The following CCDC33 variants were observed in gnomAD, a reference collection of about 807,000 sequenced individuals.
The protein encoded by CCDC33 is coiled-coil domain-containing protein 33.
CCDC33 carries 94 observed loss-of-function variants against 91.9 expected under a neutral mutation model. The observed-to-expected ratio is 1.02, with a 90% CI of 0.87 to 1.21. The LOEUF is 1.21. Ranked by LOEUF, CCDC33 falls within the 50% of genes most tolerant of loss-of-function variation. The pLI, the probability that CCDC33 is intolerant of heterozygous loss-of-function variation, is 0.00. For missense variants in CCDC33, 940 were observed against 935.5 expected, an observed-to-expected ratio of 1.00 and a Z score of -0.06; for synonymous variants, 396 against 374.5, an observed-to-expected ratio of 1.06 and a Z score of -0.66.
intron 2 of CCDC33, among the ~76,000 whole-genome samples, chr15:74,225,639 G>A (rs565003338): frequency 4.3e-4 from 65 of 152,070 alleles, no homozygotes; most frequent in African/African-American, 1.4e-3. Context: ...GATCTCCTGC[G>A]TCTCCCTGGT....
Position 74,330,351 on chromosome 15 carries a change from A to G in CCDC33, c.1453A>G (p.Thr485Ala), listed in dbSNP as rs2060404004. 3 of 1,591,274 alleles carry G rather than the reference A, an allele frequency of 1.9e-6. No individual in the cohort carries two copies. The East Asian group carries it at 6.8e-5, about 36-fold the overall frequency. ...GQGKASEAQN[T>A]VSMKQKLLLS... Reference sequence around the variant, plus strand: ...GGGCAAAGCCAGTGAGGCCCAGAACACGGGTGAGGATGTGCAGGCCACCAA... The same window carrying G: ...GGGCAAAGCCAGTGAGGCCCAGAACGCGGGTGAGGATGTGCAGGCCACCAA... Residue 485 changes from threonine (T) to alanine (A), a missense_variant, in exon 12 of 19, where the codon ACG (threonine) becomes GCG (alanine). Coordinates refer to ENST00000398814, the MANE Select transcript of CCDC33 (RefSeq NM_025055.5).
chr15:74,278,885 C>T lies in CCDC33; in HGVS notation c.760-1078C>T, dbSNP rs577702873. Among the ~76,000 whole-genome samples the T allele has an allele frequency of 7.0e-4, 107 of 152,292 alleles. 1 individual carries two copies. The highest frequency in any genetic ancestry group is 2.5e-3 in the African/African-American group (105 of 41,554). On this transcript the variant is annotated intron_variant, in intron 7 of 18. Transcript: ENST00000398814. ...GCTGACCTAGGGTGCCATCAAGTCC[C>T]CCGAGTGCCCACTGGCCCACACTGC... is the stretch of plus-strand genomic sequence containing the variant.
chr15:74,253,526 C>A (rs746080111), intron 2 of CCDC33, among the ~76,000 whole-genome samples: 7 of 152,178 alleles, frequency 4.6e-5, no homozygotes, highest in Non-Finnish European at 7.3e-5. Flanking sequence ...CGTTGATCTC[C>A]TCGTTCCCCC....
In CCDC33 at chr15:74,326,333, A is replaced by G. The variant is rs1280857629; in HGVS notation, c.1291-3856A>G. ...GAGTAAGTCTCCATCTTGGAAAACA[A>G]GAAAGCACTCAGAAGGTGGTGGAGG... On this transcript the variant is annotated intron_variant, in intron 11 of 18. Coordinates refer to ENST00000398814, the MANE Select transcript of CCDC33 (RefSeq NM_025055.5). 2.6e-5 allele frequency among the ~76,000 whole-genome samples: 4 copies of G among 152,236 alleles called. No individual in the cohort carries two copies. In the East Asian group the frequency reaches 5.8e-4, roughly 22 times the overall value.
upstream of CCDC33, among the ~76,000 whole-genome samples, chr15:74,235,383 G>A (rs8032445): frequency 0.059 from 8,965 of 152,214 alleles, 875 homozygotes; most frequent in African/African-American, 0.2. Context: ...CTGCAAAGCC[G>A]GAGTCTCCTG....
intron 11 of CCDC33, among the ~76,000 whole-genome samples, chr15:74,328,959 C>G (rs1385677812): frequency 6.6e-6 from 1 of 152,170 alleles, no homozygotes; most frequent in Non-Finnish European, 1.5e-5. Flanking sequence ...CTCCCCCATC[C>G]CAGCTCCCAC....
In CCDC33 at chr15:74,244,715, G is replaced by A. The variant is rs1402901035; in HGVS notation, c.185+567G>A. Among the ~76,000 whole-genome samples, 2 of 152,112 alleles carry A rather than the reference G, an allele frequency of 1.3e-5. No individual in the cohort carries two copies. The highest frequency in any genetic ancestry group is 2.9e-5 in the Non-Finnish European group (2 of 68,014). Reference sequence around the variant, plus strand: ...CCAGCCTGGCACCAAGGCCTGCCACGCCACGTCTATGCCCACCTCACGGGT... The same window carrying A: ...CCAGCCTGGCACCAAGGCCTGCCACACCACGTCTATGCCCACCTCACGGGT... On this transcript the variant is annotated intron_variant, in intron 2 of 18. Coordinates refer to ENST00000398814, the MANE Select transcript of CCDC33 (RefSeq NM_025055.5). This position sits in a 1 kb window ranked among gnomAD's most constrained non-coding sequence, Gnocchi z 4.2.
chr15:74,215,530 G>T (rs2074417603), upstream of CCDC33, among the ~76,000 whole-genome samples: 3 of 152,056 alleles, frequency 2.0e-5, no homozygotes, highest in South Asian at 6.2e-4. Context: ...TATGTTATGT[G>T]TATTTGACTA....
At chr15:74,240,053 C>A (rs763661977) in intron 1 of CCDC33, among the ~76,000 whole-genome samples, 25 of 152,246 alleles carry the variant, frequency 1.6e-4, no homozygotes, top group Non-Finnish European at 2.4e-4. Flanking sequence ...CACCATCCCC[C>A]TTCTGGCCTT....
intron 2 of CCDC33, among the ~76,000 whole-genome samples, chr15:74,261,237 GT>G (rs1211275206): frequency 6.6e-6 from 1 of 152,184 alleles, no homozygotes; most frequent in Non-Finnish European, 1.5e-5. Context: ...TGCAAGCATG[GT>G]TACCCACAGG....
intron 2 of CCDC33, among the ~76,000 whole-genome samples, chr15:74,257,646 C>G (rs1430239681): frequency 6.6e-6 from 1 of 152,232 alleles, no homozygotes; most frequent in African/African-American, 2.4e-5. Flanking sequence ...AAGTCAGCAC[C>G]TGCATCAGCC....
At chr15:74,211,661 C>T (rs1432070310) in intron 2 of CCDC33, among the ~76,000 whole-genome samples, 2 of 152,124 alleles carry the variant, frequency 1.3e-5, no homozygotes, top group South Asian at 4.1e-4. Context: ...ACCTCGGCCT[C>T]CCAAAGTGCT....
At chr15:74,215,034 T>A (rs368346993), upstream of CCDC33, among the ~76,000 whole-genome samples, 5 of 152,146 alleles carry the variant, frequency 3.3e-5, no homozygotes, top group African/African-American at 1.2e-4. Context: ...TGTGGGCAAG[T>A]CATCATTTGA....
chr15:74,319,176 A>G (rs2060156496), intron 11 of CCDC33, among the ~76,000 whole-genome samples: 2 of 152,156 alleles, frequency 1.3e-5, no homozygotes, highest in African/African-American at 4.8e-5. Context: ...TTGCCAAAGC[A>G]TTTCTTCTTC....
intron 2 of CCDC33, among the ~76,000 whole-genome samples, chr15:74,260,369 C>T (rs61360860): frequency 2.0e-5 from 3 of 152,162 alleles, no homozygotes; most frequent in African/African-American, 7.2e-5. Flanking sequence ...TCTGGATGGA[C>T]GCTCATCTGA....
intron 2 of CCDC33, among the ~76,000 whole-genome samples, chr15:74,252,391 G>A (rs1566970825): frequency 6.6e-6 from 1 of 152,142 alleles, no homozygotes; most frequent in Non-Finnish European, 1.5e-5. Flanking sequence ...CCAGAGGGTT[G>A]GGCTCAGCAA....
chr15:74,207,928 G>T (rs2074298610), intron 1 of CCDC33: 1 of 1,467,242 alleles, frequency 6.8e-7, no homozygotes, highest in African/African-American at 1.4e-5. Flanking sequence ...GAAGAGTATG[G>T]GTGACTCTCC....
intron 2 of CCDC33, among the ~76,000 whole-genome samples, chr15:74,256,399 C>T (rs565609279): frequency 6.8e-6 from 1 of 146,480 alleles, no homozygotes; most frequent in Admixed American, 6.6e-5. Context: ...TTCCTCCTGC[C>T]CTAAGGCTGC....
intron 2 of CCDC33, among the ~76,000 whole-genome samples, chr15:74,223,251 A>C (rs394467): frequency 9.9e-5 from 15 of 152,070 alleles, no homozygotes; most frequent in African/African-American, 3.6e-4. Flanking sequence ...TCACTGGCCC[A>C]TTTCACAGGT....
Sources: gnomAD v4.1 joint callset for allele counts (sites outside exome capture counted in the v4.1 genomes callset) on GRCh38, gnomAD v4.1.1 for gene constraint, Gnocchi (gnomAD v3.1) non-coding constraint, MANE v1.5 for transcripts, NCBI Gene and HGNC (gene_info 2026-07-23, HGNC 2026-07-21) for gene names.